The following MED27 variants were observed in gnomAD, a reference collection of about 807,000 sequenced individuals.
MED27 encodes mediator of RNA polymerase II transcription subunit 27.
In MED27, 30 loss-of-function variants were observed where a neutral mutation model predicts 38.2. The observed-to-expected ratio is 0.79, with a 90% CI of 0.59 to 1.07. The LOEUF is 1.07. Ranked by LOEUF, MED27 falls within the 50% of genes least tolerant of loss-of-function variation. The pLI is 0.00. For missense variants in MED27, 289 were observed against 397.5 expected (o/e 0.73, Z 2.32); for synonymous variants, 122 against 153.5 (o/e 0.79, Z 1.52).
intron 3 of MED27, among the ~76,000 whole-genome samples, chr9:131,947,513 A>T (rs1830908573): frequency 6.6e-6 from 1 of 152,254 alleles, no homozygotes; most frequent in Non-Finnish European, 1.5e-5. Context: ...TACTAAAATG[A>T]TCACAAAACA....
intron 3 of MED27, among the ~76,000 whole-genome samples, chr9:131,958,843 C>T (rs1029601378): frequency 2.6e-5 from 4 of 152,154 alleles, no homozygotes; most frequent in Admixed American, 6.5e-5. Context: ...TGAAAATGGA[C>T]GTGAACGTGT....
At position 131,889,030 on chromosome 9, in the gene MED27, C is replaced by A. The variant is rs1005390036; in HGVS notation, c.681+4855G>T. Among the ~76,000 whole-genome samples, 1 of 152,200 alleles carries A rather than the reference C, an allele frequency of 6.6e-6. No homozygotes were observed. The highest frequency in any genetic ancestry group is 6.5e-5 in the Admixed American group (1 of 15,284). ...CTTCCCCCTAGAAGTAACAAGAGGC[C>A]ATTTTTCTGAAGGTCATCTGAACAA... On this transcript the variant is annotated intron_variant, in intron 5 of 7. Coordinates refer to ENST00000292035, the MANE Select transcript of MED27 (RefSeq NM_004269.4). The surrounding 1 kb of genome is among the most constrained non-coding windows in gnomAD (Gnocchi z 4.2).
At position 131,883,283 on chromosome 9, in the gene MED27, G is replaced by T. The variant is rs911144844; in HGVS notation, c.723+775C>A. The stretch of plus-strand genomic sequence containing the variant: ...CAGAGACAGAAGATGGATGAGAACA[G>T]AAGAAGCCGGCTGCTGCCCTGCAGG... On this transcript the variant is annotated intron_variant, in intron 6 of 7. Coordinates refer to ENST00000292035, the MANE Select transcript of MED27 (RefSeq NM_004269.4). This position sits in a 1 kb window ranked among gnomAD's most constrained non-coding sequence, Gnocchi z 4.2. 1.3e-5 allele frequency among the ~76,000 whole-genome samples: 2 copies of T among 152,166 alleles called. No individual in the cohort carries two copies. The highest frequency in any genetic ancestry group is 3.9e-4 in the East Asian group (2 of 5,188).
chr9:131,882,655 G>A (rs932469120), intron 6 of MED27, among the ~76,000 whole-genome samples: 1 of 152,190 alleles, frequency 6.6e-6, no homozygotes, highest in Non-Finnish European at 1.5e-5. Context: ...TCCCTGACCT[G>A]AGCCCTGCCT....
chr9:131,862,002 T>C lies in MED27; in HGVS notation c.801+1061A>G, dbSNP rs1838660119. Among the ~76,000 whole-genome samples, 1 of 152,198 alleles carries C rather than the reference T, an allele frequency of 6.6e-6. No individual in the cohort carries two copies. Among genetic ancestry groups the C allele is most frequent in the Non-Finnish European group, 1.5e-5 (1 of 68,038 alleles). On this transcript the variant is annotated intron_variant, in intron 7 of 7. Transcript: ENST00000292035. This position sits in a 1 kb window ranked among gnomAD's most constrained non-coding sequence, Gnocchi z 4.6. ...TGTTAGGCTCAAAAGCAAGTCTTTA[T>C]ATCTATCTGAAATTGGAGCTCTTGC...
At chr9:131,992,483 G>T (rs1348911649) in intron 3 of MED27, among the ~76,000 whole-genome samples, 1 of 152,022 alleles carries the variant, frequency 6.6e-6, no homozygotes, top group African/African-American at 2.4e-5. Flanking sequence ...CTGCAACCTC[G>T]ACCTCCTGGG....
At position 132,049,150 on chromosome 9, in the gene MED27, C is replaced by A. The variant is rs138227858; in HGVS notation, c.348+28292G>T. Among the ~76,000 whole-genome samples, 103 of 152,286 alleles carry A rather than the reference C, an allele frequency of 6.8e-4. 1 individual carries two copies. Among genetic ancestry groups the A allele is most frequent in the African/African-American group, 2.4e-3 (99 of 41,564 alleles). On this transcript the variant is annotated intron_variant, in intron 2 of 7. Transcript: ENST00000292035. The stretch of plus-strand genomic sequence containing the variant: ...AGCCCACCATGGCAGCAGAGCCTAA[C>A]CACCTCATTGTGCAGGAAAAGTTAC...
intron 3 of MED27, among the ~76,000 whole-genome samples, chr9:131,989,304 C>T (rs1239594707): frequency 6.6e-6 from 1 of 152,142 alleles, no homozygotes. Flanking sequence ...AGCTAGGAAA[C>T]AGGTCTGGTT....
chr9:131,921,288 G>A (rs1041522966), intron 4 of MED27, among the ~76,000 whole-genome samples: 17 of 152,120 alleles, frequency 1.1e-4, no homozygotes, highest in African/African-American at 4.1e-4. Context: ...CCAGTCCGTC[G>A]TCAAACTGTC....
Position 132,051,469 on chromosome 9 carries a change from T to A in MED27, c.348+25973A>T, listed in dbSNP as rs1278642370. 6.6e-6 allele frequency among the ~76,000 whole-genome samples: 1 copy of A among 152,186 alleles called. No individual in the cohort carries two copies. The highest frequency in any genetic ancestry group is 1.5e-5 in the Non-Finnish European group (1 of 68,024). ...TTTCTCACCCCATCACTAGAGCTGATGCTTTTCAAAGCCCTATCCCATCCC... is the reference window on the plus strand; with the variant it reads ...TTTCTCACCCCATCACTAGAGCTGAAGCTTTTCAAAGCCCTATCCCATCCC... On this transcript the variant is annotated intron_variant, in intron 2 of 7. Transcript: ENST00000292035. This position sits in a 1 kb window ranked among gnomAD's most constrained non-coding sequence, Gnocchi z 4.2.
chr9:131,966,368 AGCCAGACCCTGTC>A (rs1564303518), intron 3 of MED27, among the ~76,000 whole-genome samples: 5 of 118,798 alleles, frequency 4.2e-5, no homozygotes, highest in Non-Finnish European at 3.7e-5. Context: ...CAGGCAAAAG[AGCCAGACCCTGTC>A]ACAAAAAAAA....
At chr9:132,027,778 C>T (rs1238210570) in intron 2 of MED27, among the ~76,000 whole-genome samples, 2 of 152,182 alleles carry the variant, frequency 1.3e-5, no homozygotes, top group Non-Finnish European at 2.9e-5. Flanking sequence ...CTGCTCCAGA[C>T]CCTGCTGGAG....
chr9:131,866,345 T>C (rs905509855), intron 6 of MED27, among the ~76,000 whole-genome samples: 2 of 152,206 alleles, frequency 1.3e-5, no homozygotes, highest in African/African-American at 4.8e-5. Flanking sequence ...TCGTGCAAAT[T>C]ACAGGAACAT....
rs558809280 is a variant in MED27 at position 131,956,825 on chromosome 9, T to TA, written c.480-17352dup. 1.2e-3 allele frequency among the ~76,000 whole-genome samples: 173 copies of TA among 141,830 alleles called. 1 individual carries two copies. Among genetic ancestry groups the TA allele is most frequent in the Admixed American group, 2.3e-3 (32 of 14,096 alleles). The allele number at this position is 141,830 out of a possible 152,430, so 93.0% of individuals were successfully genotyped here. A position where few individuals can be genotyped will look rare whatever the true frequency, so the allele number is the denominator to read the frequency against. ...CAAAATTCAACACCCAATTGATGAT[T>TA]AAAAAAAAAAAAACACATACACACT... is the stretch of plus-strand genomic sequence containing the variant. On this transcript the variant is annotated intron_variant, in intron 3 of 7. Transcript: ENST00000292035.
At chr9:132,030,474 T>C (rs574870882) in intron 2 of MED27, among the ~76,000 whole-genome samples, 2 of 152,328 alleles carry the variant, frequency 1.3e-5, no homozygotes, top group South Asian at 2.1e-4. Context: ...TCCTTTCTTT[T>C]CAGGAGCTTC....
rs1833518599 is a variant in MED27, at chr9:132,053,969, A to G, written c.348+23473T>C. ...ATTAACAGATTAGATAAGTGACAAAATTTCCTTCTTAAAACAAATGTATTC... is the reference window on the plus strand; with the variant it reads ...ATTAACAGATTAGATAAGTGACAAAGTTTCCTTCTTAAAACAAATGTATTC... On this transcript the variant is annotated intron_variant, in intron 2 of 7. Transcript: ENST00000292035. Among the ~76,000 whole-genome samples the G allele has an allele frequency of 3.3e-5, 5 of 152,088 alleles. No homozygotes were observed. In the South Asian group the frequency reaches 1.0e-3, roughly 32 times the overall value.
At chr9:132,022,448 A>G (rs1589271582) in intron 2 of MED27, among the ~76,000 whole-genome samples, 1 of 152,238 alleles carries the variant, frequency 6.6e-6, no homozygotes. Context: ...GGCCTGAATC[A>G]AAAGTCTACA....
chr9:131,860,534 G>T lies in MED27; in HGVS notation c.*4C>A. 2.0e-6 allele frequency: 3 copies of T among 1,520,200 alleles called. No homozygotes were observed. Among genetic ancestry groups the T allele is most frequent in the Non-Finnish European group, 1.8e-6 (2 of 1,133,808 alleles). The allele number at this position is 1,520,200 out of a possible 1,614,324, so 94.2% of individuals were successfully genotyped here. ...GGGGTCTGAGGCTGGGGCCAGCGTG[G>T]GGGCTACTGCCGGCAGGTGTCATGG... On this transcript the variant is annotated 3_prime_UTR_variant, in exon 8 of 8. Transcript: ENST00000292035. The surrounding 1 kb of genome is among the most constrained non-coding windows in gnomAD (Gnocchi z 5.8).
intron 2 of MED27, among the ~76,000 whole-genome samples, chr9:132,035,323 C>T (rs1180427113): frequency 6.6e-6 from 1 of 152,198 alleles, no homozygotes; most frequent in Non-Finnish European, 1.5e-5. Context: ...GTGCCTGGCA[C>T]TGCTCTAAGG....
Sources: gnomAD v4.1 joint callset for allele counts (sites outside exome capture counted in the v4.1 genomes callset) on GRCh38, gnomAD v4.1.1 for gene constraint, Gnocchi (gnomAD v3.1) non-coding constraint, MANE v1.5 for transcripts, NCBI Gene and HGNC (gene_info 2026-07-23, HGNC 2026-07-21) for gene names.